The following IPMK variants were observed in gnomAD, a reference collection of about 807,000 sequenced individuals.
The protein encoded by IPMK is inositol polyphosphate multikinase, also known as inositol 1,3,4,6-tetrakisphosphate 5-kinase.
Under a neutral mutation model 45.8 loss-of-function variants are expected in IPMK, and 17 were observed. That is an observed-to-expected ratio of 0.37 (90% confidence interval 0.25 to 0.56). IPMK has a LOEUF of 0.56. Ranked by LOEUF, IPMK falls within the 20% of genes least tolerant of loss-of-function variation. IPMK has a pLI of 0.79. For synonymous variants in IPMK, 180 were observed against 184.3 expected, an observed-to-expected ratio of 0.98 and a Z score of 0.19; for missense variants, 399 against 498.0, an observed-to-expected ratio of 0.80 and a Z score of 1.89.
At position 58,235,758 on chromosome 10, in the gene IPMK, T is replaced by C. The variant is rs538511363; in HGVS notation, c.276+1971A>G. Among the ~76,000 whole-genome samples the C allele has an allele frequency of 1.4e-4, 22 of 152,202 alleles. No individual in the cohort carries two copies. In the South Asian group the frequency reaches 4.6e-3, roughly 32 times the overall value. ...CAAACCAACATGGCACATGTATACTTATGTATCAAACCTGCACGTTGTGCA... is the reference window on the plus strand; with the variant it reads ...CAAACCAACATGGCACATGTATACTCATGTATCAAACCTGCACGTTGTGCA... On this transcript the variant is annotated intron_variant, in intron 2 of 5. Coordinates refer to ENST00000373935, the MANE Select transcript of IPMK (RefSeq NM_152230.5).
intron 1 of IPMK, among the ~76,000 whole-genome samples, chr10:58,239,127 C>T (rs866964258): frequency 3.9e-5 from 6 of 151,996 alleles, no homozygotes; most frequent in South Asian, 4.1e-4. Flanking sequence ...TCAACCTGGG[C>T]GACAGAGCGA....
chr10:58,217,156 CTTTTTT>C (rs58314639), intron 3 of IPMK, among the ~76,000 whole-genome samples: 2 of 102,932 alleles, frequency 1.9e-5, no homozygotes, highest in Admixed American at 1.1e-4. Context: ...GCCCATCTTG[CTTTTTT>C]TTTTTTTTTT....
chr10:58,217,930 C>T (rs1028761853), intron 3 of IPMK, among the ~76,000 whole-genome samples: 78 of 152,110 alleles, frequency 5.1e-4, no homozygotes, highest in East Asian at 1.9e-4. Flanking sequence ...CCAAGACTAG[C>T]ATAGCTGCTG....
chr10:58,240,547 A>G (rs1470657282), intron 1 of IPMK, among the ~76,000 whole-genome samples: 2 of 151,988 alleles, frequency 1.3e-5, no homozygotes, highest in Admixed American at 6.6e-5. Flanking sequence ...GCTCCCACCT[A>G]AAAGCAAGAA....
chr10:58,205,981 T>C (rs1279385622), intron 4 of IPMK, among the ~76,000 whole-genome samples: 2 of 152,130 alleles, frequency 1.3e-5, no homozygotes, highest in Non-Finnish European at 2.9e-5. Context: ...ATAAAACATA[T>C]ACCTACACAG....
At chr10:58,230,242 C>A (rs186626703) in intron 2 of IPMK, among the ~76,000 whole-genome samples, 4 of 152,328 alleles carry the variant, frequency 2.6e-5, no homozygotes, top group Admixed American at 1.3e-4. Flanking sequence ...GAACAAAAGG[C>A]AACAGACAAC....
intron 4 of IPMK, among the ~76,000 whole-genome samples, chr10:58,202,827 A>T (rs1838016497): frequency 6.6e-6 from 1 of 152,228 alleles, no homozygotes; most frequent in African/African-American, 2.4e-5. Flanking sequence ...TTGACAGTGC[A>T]CCTGGTCACC....
chr10:58,248,208 A>G (rs565255203), intron 1 of IPMK, among the ~76,000 whole-genome samples: 9 of 152,014 alleles, frequency 5.9e-5, no homozygotes, highest in Non-Finnish European at 1.2e-4. Context: ...TAAAACTTAA[A>G]GTATAATAAT....
At chr10:58,237,321 C>A (rs1405071327) in intron 2 of IPMK, among the ~76,000 whole-genome samples, 1 of 152,184 alleles carries the variant, frequency 6.6e-6, no homozygotes, top group African/African-American at 2.4e-5. Context: ...GCTCCAGGAA[C>A]CATTCTCTCC....
In IPMK at chr10:58,252,752, A is replaced by G. The variant is rs138396306; in HGVS notation, c.190+14670T>C. 6.4e-4 allele frequency among the ~76,000 whole-genome samples: 97 copies of G among 151,458 alleles called. No individual in the cohort carries two copies. The East Asian group carries it at 0.017, about 27-fold the overall frequency. ...CTCGACTGCCTGAATAGGTGGGATT[A>G]CAGGCACCCACCACCCGCCTGGGTA... On this transcript the variant is annotated intron_variant, in intron 1 of 5. Coordinates refer to ENST00000373935, the MANE Select transcript of IPMK (RefSeq NM_152230.5).
rs538713726 is a variant in IPMK, at chr10:58,267,471, C to T, written c.141G>A (p.Val47=). 8.1e-6 allele frequency: 13 copies of T among 1,613,684 alleles called. No individual in the cohort carries two copies. In the African/African-American group the frequency reaches 9.3e-5, roughly 12 times the overall value. Residue 47 remains valine (V), a synonymous_variant, in exon 1 of 6, where the codon GTG becomes GTA. Transcript: ENST00000373935. ...GGRLRFLNGC[V]PLSHQVAGHM... Reference sequence around the variant, plus strand: ...GCCCGGCCACCTGATGCGAGAGGGGCACGCAGCCGTTGAGGAAGCGGAGTC... The same window carrying T: ...GCCCGGCCACCTGATGCGAGAGGGGTACGCAGCCGTTGAGGAAGCGGAGTC...
chr10:58,244,703 ATTC>A (rs1838768978), intron 1 of IPMK, among the ~76,000 whole-genome samples: 2 of 152,192 alleles, frequency 1.3e-5, no homozygotes, highest in Non-Finnish European at 2.9e-5. Flanking sequence ...ACTAAGAAAA[ATTC>A]TTCTGCCTTG....
chr10:58,238,924 CTG>C (rs1294701810), intron 1 of IPMK, among the ~76,000 whole-genome samples: 14 of 151,534 alleles, frequency 9.2e-5, no homozygotes, highest in African/African-American at 3.4e-4. Flanking sequence ...CTTTGGTAGT[CTG>C]TGGCTGGAAG....
Position 58,196,308 on chromosome 10 carries a change from A to G in IPMK, c.1019T>C (p.Leu340Pro). Reference sequence around the variant, plus strand: ...GCTTTTCCACCCATTGTCTTGCTCCAGATTTTCAACTTTCAATGAAGTCTG... The same window carrying G: ...GCTTTTCCACCCATTGTCTTGCTCCGGATTTTCAACTTTCAATGAAGTCTG... ...HSQTSLKVEN[L>P]EQDNGWKSMS... Residue 340 changes from leucine to proline, a missense_variant, in exon 6 of 6, where the codon CTG becomes CCG. Transcript: ENST00000373935. 1 of 1,614,218 alleles carries G rather than the reference A, an allele frequency of 6.2e-7. No homozygotes were observed. Among genetic ancestry groups the G allele is most frequent in the South Asian group, 1.1e-5 (1 of 91,088 alleles).
At chr10:58,257,502 AAAAT>A (rs150161385) in intron 1 of IPMK, among the ~76,000 whole-genome samples, 13,932 of 152,110 alleles carry the variant, frequency 0.092, 974 homozygotes, top group East Asian at 0.44. Context: ...CTCAAAAACA[AAAAT>A]AAATAAATAA....
intron 3 of IPMK, among the ~76,000 whole-genome samples, chr10:58,220,186 A>G (rs1320831408): frequency 1.3e-5 from 2 of 152,158 alleles, no homozygotes; most frequent in Non-Finnish European, 2.9e-5. Flanking sequence ...GTCCCTTGGT[A>G]GGGAGGGGAG....
chr10:58,211,331 A>T (rs570442978), intron 4 of IPMK, among the ~76,000 whole-genome samples: 1 of 152,142 alleles, frequency 6.6e-6, no homozygotes, highest in African/African-American at 2.4e-5. Flanking sequence ...AGCTGGGATT[A>T]CAGGCGTGTG....
At chr10:58,258,266 T>C (rs1000460015) in intron 1 of IPMK, among the ~76,000 whole-genome samples, 1 of 152,086 alleles carries the variant, frequency 6.6e-6, no homozygotes. Context: ...GCCAAGACTA[T>C]GCCACTGCAC....
chr10:58,254,385 T>G (rs1430094732), intron 1 of IPMK, among the ~76,000 whole-genome samples: 1 of 152,210 alleles, frequency 6.6e-6, no homozygotes, highest in Non-Finnish European at 1.5e-5. Context: ...TCTCTCTTTT[T>G]TAAAAAATCA....
Sources: gnomAD v4.1 joint callset for allele counts (sites outside exome capture counted in the v4.1 genomes callset) on GRCh38, gnomAD v4.1.1 for gene constraint, MANE v1.5 for transcripts, NCBI Gene and HGNC (gene_info 2026-07-23, HGNC 2026-07-21) for gene names.